TALDO1: variants seen among roughly 807,000 people sequenced by gnomAD.
The protein encoded by TALDO1 is transaldolase.
Under a neutral mutation model 38.1 loss-of-function variants are expected in TALDO1, and 29 were observed. The observed-to-expected ratio is 0.76, with a 90% CI of 0.57 to 1.04. TALDO1 has a LOEUF of 1.04. TALDO1 is among the 50% of genes least tolerant of loss of function. The pLI, the probability that TALDO1 is intolerant of heterozygous loss-of-function variation, is 0.00. For synonymous variants in TALDO1, 207 were observed against 176.8 expected, an observed-to-expected ratio of 1.17 and a Z score of -1.36; for missense variants, 499 against 438.1, an observed-to-expected ratio of 1.14 and a Z score of -1.24.
intron 7 of TALDO1, 114 bp downstream of exon 7, chr11:764,547 C>A: frequency 6.6e-7 from 1 of 1,510,450 alleles, no homozygotes. Context: ...AGGTCTCATT[C>A]ACGTGCTGTC....
At chr11:758,582 C>G (rs1278825117) in intron 2 of TALDO1, among the ~76,000 whole-genome samples, 1 of 151,278 alleles carries the variant, frequency 6.6e-6, no homozygotes, top group Non-Finnish European at 1.5e-5. Flanking sequence ...TTTGTAGAGT[C>G]TTGTGCACTT....
chr11:750,781 C>T lies in TALDO1; in HGVS notation c.97+3203C>T, dbSNP rs978749186. Among the ~76,000 whole-genome samples the T allele has an allele frequency of 8.6e-5, 13 of 151,936 alleles. No individual in the cohort carries two copies. The East Asian group carries it at 1.2e-3, about 14-fold the overall frequency. ...CGGAGCTTGCAATGAGCCGAGATCG[C>T]GCCACTGCACTCCAGCCTGGGCGAC... On this transcript the variant is annotated intron_variant, in intron 1 of 7. Coordinates refer to ENST00000319006, the MANE Select transcript of TALDO1 (RefSeq NM_006755.2).
intron 7 of TALDO1, 53 bp downstream of exon 7, chr11:764,486 C>T: frequency 2.5e-6 from 4 of 1,598,292 alleles, no homozygotes; most frequent in Non-Finnish European, 3.4e-6. Flanking sequence ...AGAGCCCGGG[C>T]CTGGGCGTCG....
chr11:764,570 C>T, intron 7 of TALDO1, 137 bp downstream of exon 7: 2 of 1,425,284 alleles, frequency 1.4e-6, no homozygotes, highest in Admixed American at 2.0e-5. Context: ...GCAAGTGGGG[C>T]CTGTTGAGGC....
In TALDO1 at chr11:763,470, G is replaced by C; in HGVS notation, c.588G>C (p.Trp196Cys). ...ISPFVGRILD[W>C]HVANTDKKSY... is the part of the protein sequence containing the mutation. Reference sequence around the variant, plus strand: ...CATTTGTTGGGCGCATCCTTGATTGGCATGTGGCAAACACCGACAAGAAAT... The same window carrying C: ...CATTTGTTGGGCGCATCCTTGATTGCCATGTGGCAAACACCGACAAGAAAT... Residue 196 changes from tryptophan to cysteine, a missense_variant, in exon 5 of 8, where the codon TGG becomes TGC. Transcript: ENST00000319006. 6.2e-7 allele frequency: 1 copy of C among 1,613,570 alleles called. No individual in the cohort carries two copies. Among genetic ancestry groups the C allele is most frequent in the Non-Finnish European group, 8.5e-7 (1 of 1,179,902 alleles).
chr11:756,172 A>C, intron 2 of TALDO1, 170 bp downstream of exon 2: 1 of 928,284 alleles, frequency 1.1e-6, no homozygotes, highest in Non-Finnish European at 1.6e-6. Flanking sequence ...TGCATGAAGT[A>C]ACCTGCACCT....
At chr11:764,488 TGGGCGTCG>T (rs1215953755) in intron 7 of TALDO1, 55 bp downstream of exon 7, 1 of 1,595,956 alleles carries the variant, frequency 6.3e-7, no homozygotes, top group African/African-American at 1.3e-5. Flanking sequence ...AGCCCGGGCC[TGGGCGTCG>T]GGGTTCAAGC....
intron 6 of TALDO1, 115 bp downstream of exon 6, chr11:764,059 T>C (rs1264524708): frequency 9.2e-6 from 13 of 1,408,762 alleles, no homozygotes; most frequent in East Asian, 2.4e-5. Context: ...TTGGGAGACA[T>C]GAGGGTGAAG....
At chr11:763,246 CACCCAT>C (rs1862977875) in intron 4 of TALDO1, 92 bp from the exon 5 acceptor site, 1 of 144,134 alleles carries the variant, frequency 6.9e-6, no homozygotes, top group African/African-American at 4.1e-5. Flanking sequence ...CCCCCGCCCT[CACCCAT>C]CCCCGCCCTC....
At chr11:748,349 GTACACTGTTAAA>G (rs1367425512) in intron 1 of TALDO1, among the ~76,000 whole-genome samples, 1 of 152,220 alleles carries the variant, frequency 6.6e-6, no homozygotes, top group African/African-American at 2.4e-5. Context: ...CACAGGGTTG[GTACACTGTTAAA>G]TACTGGATTT....
chr11:749,657 C>T (rs1345737176), intron 1 of TALDO1, among the ~76,000 whole-genome samples: 1 of 152,150 alleles, frequency 6.6e-6, no homozygotes, highest in Non-Finnish European at 1.5e-5. Context: ...ATTTTGCATT[C>T]AGTTTAAGGA....
intron 1 of TALDO1, among the ~76,000 whole-genome samples, chr11:749,808 G>A (rs925903627): frequency 1.3e-5 from 2 of 152,228 alleles, no homozygotes; most frequent in African/African-American, 4.8e-5. Context: ...CTCATTCAGT[G>A]CATTCTGGCA....
chr11:764,850 TC>T lies in TALDO1; in HGVS notation c.*8del. On this transcript the variant is annotated 3_prime_UTR_variant, in exon 8 of 8. Coordinates refer to ENST00000319006, the MANE Select transcript of TALDO1 (RefSeq NM_006755.2). ...AATGCAGAGAATGGAAAGTAGCGCA[TC>T]CCTGAGGCTGGACTCCAGATCTGCA... is the stretch of plus-strand genomic sequence containing the variant. The T allele has an allele frequency of 6.2e-7, 1 of 1,614,000 alleles. No homozygotes were observed. The highest frequency in any genetic ancestry group is 8.5e-7 in the Non-Finnish European group (1 of 1,180,034).
intron 1 of TALDO1, among the ~76,000 whole-genome samples, chr11:755,508 C>T (rs967268105): frequency 6.6e-6 from 1 of 152,134 alleles, no homozygotes; most frequent in Non-Finnish European, 1.5e-5. Context: ...ATAAGATCAG[C>T]GTTCACATGT....
intron 1 of TALDO1, chr11:752,245 A>ATT (rs757907105): frequency 0.077 from 10,288 of 134,316 alleles, 874 homozygotes; most frequent in East Asian, 0.27. Flanking sequence ...AATTTTTTGT[A>ATT]TTTTTTTTTT....
intron 1 of TALDO1, among the ~76,000 whole-genome samples, chr11:752,831 A>C (rs1862771165): frequency 6.6e-6 from 1 of 152,212 alleles, no homozygotes; most frequent in Admixed American, 6.5e-5. Flanking sequence ...GACAACCCCA[A>C]GTTGAAGCCA....
intron 1 of TALDO1, among the ~76,000 whole-genome samples, chr11:753,504 G>A (rs970136052): frequency 4.0e-5 from 6 of 151,688 alleles, no homozygotes; most frequent in African/African-American, 9.7e-5. Context: ...GCAGTCCGGC[G>A]TGGGTGAAAG....
Position 760,263 on chromosome 11 carries a change from C to G in TALDO1, c.461+10C>G, listed in dbSNP as rs897724065. ...GAATTCAGGCTGGAAAGTAAGTGGT[C>G]CCCCACAAGGAAGGAGCTCTCAGAG... On this transcript the variant is annotated intron_variant, in intron 4 of 7. Transcript: ENST00000319006. 6.2e-7 allele frequency: 1 copy of G among 1,613,570 alleles called. No individual in the cohort carries two copies. The highest frequency in any genetic ancestry group is 8.5e-7 in the Non-Finnish European group (1 of 1,179,822).
intron 4 of TALDO1, among the ~76,000 whole-genome samples, chr11:762,773 G>C (rs186067004): frequency 2.4e-3 from 359 of 152,362 alleles, no homozygotes; most frequent in Admixed American, 4.8e-3. Context: ...ACTGGGATTT[G>C]GGCAAGTGGC....
Sources: gnomAD v4.1 joint callset for allele counts (sites outside exome capture counted in the v4.1 genomes callset) on GRCh38, gnomAD v4.1.1 for gene constraint, MANE v1.5 for transcripts, NCBI Gene and HGNC (gene_info 2026-07-23, HGNC 2026-07-21) for gene names.